Variants in SORBS2 observed in about 807,000 individuals in gnomAD.
The protein encoded by SORBS2 is sorbin and SH3 domain containing 2.
A neutral mutation model predicts 97.7 loss-of-function variants in SORBS2; 46 were observed. The observed-to-expected ratio is 0.47, with a 90% confidence interval of 0.37 to 0.60. The LOEUF is 0.60. Ranked by LOEUF, SORBS2 falls within the 20% of genes least tolerant of loss-of-function variation. The pLI is 0.00. For missense variants in SORBS2, 1,316 were observed against 1,282.3 expected, an observed-to-expected ratio of 1.03 and a Z score of -0.40; for synonymous variants, 476 against 473.4, an observed-to-expected ratio of 1.01 and a Z score of -0.07.
chr4:185,874,866 T>TTTTTTTTTTTTTTTTTTTTTTGC lies in SORBS2; in HGVS notation c.-338+81329_-338+81330insGCAAAAAAAAAAAAAAAAAAAAA, dbSNP rs775209042. Among the ~76,000 whole-genome samples, 103 of 113,432 alleles carry TTTTTTTTTTTTTTTTTTTTTTGC rather than the reference T, an allele frequency of 9.1e-4. 2 individuals carry two copies. The highest frequency in any genetic ancestry group is 2.7e-3 in the African/African-American group (96 of 35,328). 74.4% of individuals were successfully genotyped at this position (113,432 alleles called of 152,430 possible). ...GGTTTTACCTTACCCTGATTTTTTT[T>TTTTTTTTTTTTTTTTTTTTTTGC]TTTTTTGCATGCTACAGTATATTGT... On this transcript the variant is annotated intron_variant, in intron 1 of 20. Coordinates refer to the SORBS2 transcript ENST00000284776.
At chr4:185,649,240 C>T (rs1242179164) in intron 3 of SORBS2, among the ~76,000 whole-genome samples, 1 of 152,044 alleles carries the variant, frequency 6.6e-6, no homozygotes, top group Non-Finnish European at 1.5e-5. Flanking sequence ...GAAAATGTGT[C>T]CATATTACTT....
chr4:185,800,151 T>C (rs2099123321), intron 1 of SORBS2, among the ~76,000 whole-genome samples: 1 of 152,066 alleles, frequency 6.6e-6, no homozygotes, highest in Admixed American at 6.6e-5. Context: ...GCCAAGATCA[T>C]GCCACTGCAC....
intron 1 of SORBS2, among the ~76,000 whole-genome samples, chr4:185,924,438 C>T (rs2099262498): frequency 6.6e-6 from 1 of 152,208 alleles, no homozygotes; most frequent in Non-Finnish European, 1.5e-5. Context: ...GCTCAAGAAA[C>T]ATTTCTTGCC....
intron 4 of SORBS2, among the ~76,000 whole-genome samples, chr4:185,663,451 T>G (rs2097549184): frequency 1.3e-5 from 2 of 152,242 alleles, no homozygotes; most frequent in Admixed American, 1.3e-4. Flanking sequence ...AGCCTTGTGC[T>G]TATTGATTAA....
At chr4:185,768,898 T>A (rs1320285045) in intron 2 of SORBS2, among the ~76,000 whole-genome samples, 3 of 152,134 alleles carry the variant, frequency 2.0e-5, no homozygotes, top group Non-Finnish European at 4.4e-5. Flanking sequence ...AAAGAAAATT[T>A]TCTTCAAGTG....
chr4:185,854,811 GAGA>G lies in SORBS2; in HGVS notation c.-337-79448_-337-79446del, dbSNP rs2099219861. 2.6e-5 allele frequency among the ~76,000 whole-genome samples: 4 copies of G among 152,038 alleles called. No homozygotes were observed. In the South Asian group the frequency reaches 8.3e-4, roughly 32 times the overall value. ...AGAGAGAGAGAGAGAGAGAGAGAGA[GAGA>G]GAGCCTTAGTTAGTTTACTGAGAGA... On this transcript the variant is annotated intron_variant, in intron 1 of 20. Coordinates refer to the SORBS2 transcript ENST00000284776.
intron 4 of SORBS2, chr4:185,645,657 T>C (rs781442339): frequency 1.2e-4 from 18 of 152,246 alleles, no homozygotes; most frequent in Non-Finnish European, 2.5e-4. Context: ...GTGTGATTTC[T>C]TGGAGACTCT....
chr4:185,605,866 C>T (rs961559322), intron 12 of SORBS2, among the ~76,000 whole-genome samples: 1 of 152,158 alleles, frequency 6.6e-6, no homozygotes, highest in African/African-American at 2.4e-5. Flanking sequence ...GTTGCAGGCT[C>T]GTTTTTTGTT....
At chr4:185,806,772 T>C (rs540320180) in intron 1 of SORBS2, among the ~76,000 whole-genome samples, 2 of 152,302 alleles carry the variant, frequency 1.3e-5, no homozygotes, top group East Asian at 3.9e-4. Flanking sequence ...ATCCTGTTTT[T>C]GCTATAGTTT....
At chr4:185,769,083 G>GA (rs201639277) in intron 2 of SORBS2, among the ~76,000 whole-genome samples, 27,756 of 138,070 alleles carry the variant, frequency 0.2, 2,710 homozygotes, top group Middle Eastern at 0.28. Context: ...TAGTACCAGG[G>GA]AAAAAAAAAA....
chr4:185,794,452 C>A (rs1363943207), intron 1 of SORBS2, among the ~76,000 whole-genome samples: 1 of 152,114 alleles, frequency 6.6e-6, no homozygotes, highest in African/African-American at 2.4e-5. Context: ...GCAGTCACAG[C>A]CACAAATATA....
intron 1 of SORBS2, among the ~76,000 whole-genome samples, chr4:185,784,535 G>C (rs6817163): frequency 0.18 from 27,388 of 152,072 alleles, 2,833 homozygotes; most frequent in East Asian, 0.43. Flanking sequence ...GCGATGGAGA[G>C]AGGATAGAGA....
chr4:185,903,190 TG>T (rs763823884), intron 1 of SORBS2, among the ~76,000 whole-genome samples: 1 of 152,134 alleles, frequency 6.6e-6, no homozygotes, highest in Non-Finnish European at 1.5e-5. Flanking sequence ...ATAGTGATTT[TG>T]GGGGGGCATG....
At chr4:185,779,222 C>T (rs1312410984) in intron 1 of SORBS2, among the ~76,000 whole-genome samples, 5 of 152,068 alleles carry the variant, frequency 3.3e-5, no homozygotes, top group South Asian at 2.1e-4. Context: ...TGCCTGGGTT[C>T]GAATCCTCAT....
intron 4 of SORBS2, among the ~76,000 whole-genome samples, chr4:185,668,941 G>A (rs1206826075): frequency 1.3e-5 from 2 of 152,240 alleles, no homozygotes; most frequent in Non-Finnish European, 2.9e-5. Flanking sequence ...GCAGCCAGGG[G>A]CTGCCTGGTC....
At chr4:185,877,911 G>T (rs375614036) in intron 1 of SORBS2, among the ~76,000 whole-genome samples, 4 of 134,986 alleles carry the variant, frequency 3.0e-5, no homozygotes, top group Non-Finnish European at 6.5e-5. Flanking sequence ...AGAAAAGAAA[G>T]AAAGAAAGAA....
At chr4:185,891,550 C>T (rs2099242513) in intron 1 of SORBS2, among the ~76,000 whole-genome samples, 1 of 152,176 alleles carries the variant, frequency 6.6e-6, no homozygotes, top group Non-Finnish European at 1.5e-5. Flanking sequence ...TAAGACTGGC[C>T]TTTTGAAATG....
chr4:185,926,342 G>A (rs145822111), intron 1 of SORBS2, among the ~76,000 whole-genome samples: 1 of 152,312 alleles, frequency 6.6e-6, no homozygotes, highest in East Asian at 1.9e-4. Flanking sequence ...ATGAGTTTAG[G>A]CTGAGTCCTG....
intron 1 of SORBS2, among the ~76,000 whole-genome samples, chr4:185,934,781 C>CAA (rs397996572): frequency 0.026 from 2,656 of 100,804 alleles, 97 homozygotes; most frequent in African/African-American, 0.088. Context: ...GACTCCATCT[C>CAA]AAAAAAAAAA....
Sources: allele counts gnomAD v4.1 joint callset (sites outside exome capture counted in the v4.1 genomes callset), GRCh38; gene constraint gnomAD v4.1.1; transcripts MANE v1.5; gene names NCBI Gene and HGNC (gene_info 2026-07-23, HGNC 2026-07-21).